The following FKBP14 variants were observed in gnomAD, a reference collection of about 807,000 sequenced individuals.
FKBP14 encodes the protein FKBP prolyl isomerase 14.
FKBP14 carries 20 observed loss-of-function variants against 21.6 expected under a neutral mutation model. That is an observed-to-expected ratio of 0.92 (90% CI 0.65 to 1.34). The LOEUF (loss-of-function observed/expected upper bound fraction) is 1.34. FKBP14 is among the 40% of genes most tolerant of loss of function. The probability of loss-of-function intolerance (pLI) is 0.00; values close to 1 mark genes in which losing one functional copy is unlikely to be tolerated. For missense variants in FKBP14, 253 were observed against 249.0 expected (o/e 1.02, Z -0.11); for synonymous variants, 79 against 86.7 (o/e 0.91, Z 0.49).
chr7:30,016,497 G>A (rs1415056220), intron 3 of FKBP14, among the ~76,000 whole-genome samples: 2 of 152,014 alleles, frequency 1.3e-5, no homozygotes, highest in Non-Finnish European at 2.9e-5. Context: ...AGGTTCAAGC[G>A]ATTCACCTGC....
chr7:30,019,002 T>G lies in FKBP14; in HGVS notation c.471A>C (p.Lys157Asn), dbSNP rs1789962057. The G allele has an allele frequency of 1.2e-6, 2 of 1,609,034 alleles. No homozygotes were observed. The highest frequency in any genetic ancestry group is 2.2e-5 in the South Asian group (2 of 89,942). ...AGGAAGAAGGAAAGGTCACCTCATCTTTAGAGAGTTTCCAGTCATCATTAA... is the reference window on the plus strand; with the variant it reads ...AGGAAGAAGGAAAGGTCACCTCATCGTTAGAGAGTTTCCAGTCATCATTAA... ...MDLNDDWKLS[K>N]DEVKAYLKKE... The change falls in exon 3 of 4, where the codon AAA (lysine) becomes AAC (asparagine). Residue 157 changes from lysine (K) to asparagine (N), a missense_variant. Coordinates refer to ENST00000222803, the MANE Select transcript of FKBP14 (RefSeq NM_017946.4).
downstream of FKBP14, among the ~76,000 whole-genome samples, chr7:30,009,505 G>A (rs933690679): frequency 7.9e-5 from 12 of 151,976 alleles, no homozygotes; most frequent in African/African-American, 2.9e-4. Flanking sequence ...GGTGCTGGGA[G>A]TACAGGCATG....
In FKBP14 at chr7:30,026,421, C is replaced by A. The variant is rs779839919; in HGVS notation, c.88G>T (p.Glu30Ter). 6.2e-7 allele frequency: 1 copy of A among 1,614,194 alleles called. No homozygotes were observed. The highest frequency in any genetic ancestry group is 1.1e-5 in the South Asian group (1 of 91,082). The change falls in exon 1 of 4, where the codon GAA (glutamate) becomes TAA (stop). Residue 30 changes from glutamate to a stop codon, truncating the protein, a stop_gained. Coordinates refer to ENST00000222803, the MANE Select transcript of FKBP14 (RefSeq NM_017946.4). LOFTEE classifies it high-confidence loss of function. ...ALIPEPEVKIEVLQKPFICHR... is the reference protein window; with the variant it reads ...ALIPEPEVKI Reference sequence around the variant, plus strand: ...CAGATGAATGGCTTCTGGAGAACTTCAATTTTCACTTCTGGTTCAGGGATC... The same window carrying A: ...CAGATGAATGGCTTCTGGAGAACTTAAATTTTCACTTCTGGTTCAGGGATC...
chr7:30,026,303 ATTAC>A lies in FKBP14; in HGVS notation c.197+5_197+8del, dbSNP rs747353360. ...ATTACTATTTTACCTGCGGGGCATA[ATTAC>A]TTACGTGGAGTGAAATAAGGAGCCG... On this transcript the variant is annotated splice_donor_5th_base_variant and intron_variant, in intron 1 of 3. Coordinates refer to ENST00000222803, the MANE Select transcript of FKBP14 (RefSeq NM_017946.4). 1.9e-5 allele frequency: 31 copies of A among 1,593,242 alleles called. No individual in the cohort carries two copies. In the South Asian group the frequency reaches 2.8e-4, roughly 14 times the overall value.
Position 30,026,611 on chromosome 7 carries a change from C to G in FKBP14, c.-103G>C. 1 of 1,066,396 alleles carries G rather than the reference C, an allele frequency of 9.4e-7. No homozygotes were observed. Among genetic ancestry groups the G allele is most frequent in the Non-Finnish European group, 1.3e-6 (1 of 751,000 alleles). The allele number at this position is 1,066,396 out of a possible 1,614,324, so 66.1% of individuals were successfully genotyped here. ...AAGGCTTACGGACAAGGGCTTCAGA[C>G]AAGTTCAGGACTCCCCCTTCTTAGA... On this transcript the variant is annotated 5_prime_UTR_variant, in exon 1 of 4. Coordinates refer to ENST00000222803, the MANE Select transcript of FKBP14 (RefSeq NM_017946.4).
Position 30,026,353 on chromosome 7 carries a change from A to T in FKBP14, c.156T>A (p.Tyr52Ter), listed in dbSNP as rs1562840744. ...AGCCGTCCTTTTCTAAGTAGCCTTC[A>T]TAGTGGACCAACATCAAATCCCCTC... is the stretch of plus-strand genomic sequence containing the variant. Reference protein sequence around the residue: ...TKGGDLMLVHYEGYLEKDGSL... With the variant: ...TKGGDLMLVH The change falls in exon 1 of 4, where the codon TAT becomes TAA. Residue 52 changes from tyrosine to a stop codon, truncating the protein, a stop_gained. Transcript: ENST00000222803. LOFTEE classifies it high-confidence loss of function. The T allele has an allele frequency of 1.9e-6, 3 of 1,614,016 alleles. No homozygotes were observed. The highest frequency in any genetic ancestry group is 2.2e-5 in the East Asian group (1 of 44,886).
rs1562834437 is a variant in FKBP14 at position 30,011,606 on chromosome 7, A to AG, written c.*3128_*3129insC. ...ATATATATATAGTATATATATATAT[A>AG]TATATTTTTTTTTTTAGATGGGGAG... On this transcript the variant is annotated 3_prime_UTR_variant, in exon 4 of 4. Coordinates refer to ENST00000222803, the MANE Select transcript of FKBP14 (RefSeq NM_017946.4). The AG allele has an allele frequency of 3.1e-5, 4 of 130,206 alleles. No individual in the cohort carries two copies. Among genetic ancestry groups the AG allele is most frequent in the Admixed American group, 7.9e-5 (1 of 12,678 alleles). The allele number at this position is 130,206 out of a possible 1,614,324, so 8.1% of individuals were successfully genotyped here.
rs1232097170 is a variant in FKBP14, at chr7:30,012,665, TGAAA to T, written c.*2066_*2069del. 1.3e-5 allele frequency: 2 copies of T among 152,222 alleles called. No individual in the cohort carries two copies. Among genetic ancestry groups the T allele is most frequent in the East Asian group, 1.9e-4 (1 of 5,204 alleles). The allele number at this position is 152,222 out of a possible 1,614,324, so 9.4% of individuals were successfully genotyped here. ...AACAACAAATGGGGGTAAATATGAATGAAAGAAGTAAAACACATCTGGAACCTCG... is the reference window on the plus strand; with the variant it reads ...AACAACAAATGGGGGTAAATATGAATGAAGTAAAACACATCTGGAACCTCG... On this transcript the variant is annotated 3_prime_UTR_variant, in exon 4 of 4. Transcript: ENST00000222803.
At position 30,011,469 on chromosome 7, in the gene FKBP14, C is replaced by A. The variant is rs148861811; in HGVS notation, c.*3266G>T. The A allele has an allele frequency of 2.7e-5, 4 of 149,556 alleles. No homozygotes were observed. The highest frequency in any genetic ancestry group is 6.7e-5 in the Admixed American group (1 of 14,924). 9.3% of individuals were successfully genotyped at this position (149,556 alleles called of 1,614,324 possible). ...CCACTGACTCATCCAGAGCAACTTC[C>A]AGTTCTGTAAGCTCCGTTAGTAAGT... On this transcript the variant is annotated 3_prime_UTR_variant, in exon 4 of 4. Coordinates refer to ENST00000222803, the MANE Select transcript of FKBP14 (RefSeq NM_017946.4).
chr7:30,006,039 C>T (rs1789607445), downstream of FKBP14, among the ~76,000 whole-genome samples: 1 of 150,556 alleles, frequency 6.6e-6, no homozygotes, highest in South Asian at 2.1e-4. Context: ...TGTATATACA[C>T]AGTATCTACT....
intron 3 of FKBP14, among the ~76,000 whole-genome samples, chr7:30,015,443 AAT>A (rs141026872): frequency 0.15 from 21,407 of 147,450 alleles, 1,568 homozygotes; most frequent in Middle Eastern, 0.19. Flanking sequence ...AAAAATTAAA[AAT>A]ATATATATAT....
At position 30,022,655 on chromosome 7, in the gene FKBP14, A is replaced by G. The variant is rs369590377; in HGVS notation, c.349+10T>C. ...GTGCTATAGTAAGAAAAATACAGAA[A>G]TACTATTACCTTTTCCTTCTTTTCC... On this transcript the variant is annotated intron_variant, in intron 2 of 3. Transcript: ENST00000222803. The G allele has an allele frequency of 4.4e-6, 7 of 1,607,722 alleles. No individual in the cohort carries two copies. In the African/African-American group the frequency reaches 8.1e-5, roughly 18 times the overall value.
intron 3 of FKBP14, among the ~76,000 whole-genome samples, chr7:30,017,293 G>A (rs1012800427): frequency 6.6e-6 from 1 of 152,098 alleles, no homozygotes; most frequent in Non-Finnish European, 1.5e-5. Flanking sequence ...ATAATAGGCC[G>A]GATGCGGTAG....
Position 30,026,555 on chromosome 7 carries a change from C to T in FKBP14, c.-47G>A. Reference sequence around the variant, plus strand: ...GTCCCTACAAAAGCAGCGAAAGGTCCCTCGACTTCATAGATTTAAGAACGT... The same window carrying T: ...GTCCCTACAAAAGCAGCGAAAGGTCTCTCGACTTCATAGATTTAAGAACGT... On this transcript the variant is annotated 5_prime_UTR_variant, in exon 1 of 4. Transcript: ENST00000222803. 6.5e-7 allele frequency: 1 copy of T among 1,542,504 alleles called. No individual in the cohort carries two copies. Among genetic ancestry groups the T allele is most frequent in the Non-Finnish European group, 8.8e-7 (1 of 1,138,824 alleles).
chr7:30,017,591 T>C (rs899447380), intron 3 of FKBP14, among the ~76,000 whole-genome samples: 1 of 150,262 alleles, frequency 6.7e-6, no homozygotes, highest in East Asian at 2.0e-4. Context: ...CAGTAAATAA[T>C]AGAGATAAAG....
chr7:30,017,188 CAGAA>C lies in FKBP14; in HGVS notation c.477+1804_477+1807del, dbSNP rs372802196. On this transcript the variant is annotated intron_variant, in intron 3 of 3. Transcript: ENST00000222803. ...GACCTCATCTCTACAAAAAAAAAAACAGAAAGAAAGAAAAAAGTAATTAATAAAA... is the reference window on the plus strand; with the variant it reads ...GACCTCATCTCTACAAAAAAAAAAACAGAAAGAAAAAAGTAATTAATAAAA... Among the ~76,000 whole-genome samples, 1,354 of 147,458 alleles carry C rather than the reference CAGAA, an allele frequency of 9.2e-3. 20 individuals carry two copies. Among genetic ancestry groups the C allele is most frequent in the African/African-American group, 0.032 (1,285 of 40,278 alleles).
At chr7:30,016,037 G>A (rs1010380880) in intron 3 of FKBP14, among the ~76,000 whole-genome samples, 2 of 152,118 alleles carry the variant, frequency 1.3e-5, no homozygotes, top group East Asian at 1.9e-4. Context: ...AGCCTCACAC[G>A]TACCTGGGAC....
chr7:30,020,606 TAATAA>T (rs529046239), intron 2 of FKBP14, among the ~76,000 whole-genome samples: 1 of 152,130 alleles, frequency 6.6e-6, no homozygotes, highest in Non-Finnish European at 1.5e-5. Flanking sequence ...AGATTAAAAA[TAATAA>T]AATAGAACAA....
In FKBP14 at chr7:30,010,902, A is replaced by G. The variant is rs1789705393; in HGVS notation, c.*3833T>C. On this transcript the variant is annotated 3_prime_UTR_variant, in exon 4 of 4. Transcript: ENST00000222803. The stretch of plus-strand genomic sequence containing the variant: ...TATATAATAAGGATATAAGGAAAAT[A>G]TTTTTGTACAGCTATGCAATGTGTG... 6.6e-6 allele frequency: 1 copy of G among 152,166 alleles called. No homozygotes were observed. The highest frequency in any genetic ancestry group is 1.9e-4 in the East Asian group (1 of 5,206). The allele number at this position is 152,166 out of a possible 1,614,324, so 9.4% of individuals were successfully genotyped here. A position where few individuals can be genotyped will look rare whatever the true frequency, so the allele number is the denominator to read the frequency against.
Sources: allele counts gnomAD v4.1 joint callset (sites outside exome capture counted in the v4.1 genomes callset), GRCh38; gene constraint gnomAD v4.1.1; transcripts MANE v1.5; gene names NCBI Gene and HGNC (gene_info 2026-07-23, HGNC 2026-07-21).